The following KHDRBS2 variants were observed in gnomAD, a reference collection of about 807,000 sequenced individuals.
KHDRBS2 encodes the protein KH domain-containing, RNA-binding, signal transduction-associated protein 2.
In KHDRBS2, 26 loss-of-function variants were observed where a neutral mutation model predicts 44.3. That is an observed-to-expected ratio of 0.59 (90% CI 0.43 to 0.81). KHDRBS2 has a LOEUF of 0.81. KHDRBS2 is among the 40% of genes least tolerant of loss of function. The pLI, the probability that KHDRBS2 is intolerant of heterozygous loss-of-function variation, is 0.00. For missense variants in KHDRBS2, 476 were observed against 433.1 expected, an observed-to-expected ratio of 1.10 and a Z score of -0.88; for synonymous variants, 194 against 151.1, an observed-to-expected ratio of 1.28 and a Z score of -2.08.
chr6:61,715,500 C>T (rs926437721), intron 7 of KHDRBS2, among the ~76,000 whole-genome samples: 15 of 151,864 alleles, frequency 9.9e-5, no homozygotes, highest in Non-Finnish European at 4.4e-5. Flanking sequence ...ATCATATTCT[C>T]ATTTCTTTGT....
intron 6 of KHDRBS2, among the ~76,000 whole-genome samples, chr6:61,767,482 T>C (rs1242010415): frequency 1.3e-5 from 2 of 152,044 alleles, no homozygotes; most frequent in African/African-American, 2.4e-5. Context: ...TAAGTAAGGA[T>C]TTACTCCTAA....
At chr6:61,708,648 T>A (rs1173927722) in intron 7 of KHDRBS2, among the ~76,000 whole-genome samples, 3 of 151,718 alleles carry the variant, frequency 2.0e-5, no homozygotes, top group African/African-American at 7.2e-5. Flanking sequence ...AAATGTAACA[T>A]AACTTTTTGT....
At chr6:61,814,242 ATTATG>A (rs1163998980) in intron 6 of KHDRBS2, among the ~76,000 whole-genome samples, 2 of 152,182 alleles carry the variant, frequency 1.3e-5, no homozygotes, top group African/African-American at 2.4e-5. Flanking sequence ...CTATTTTAGT[ATTATG>A]TTATAATTCA....
chr6:61,863,662 T>G (rs1562326778), intron 6 of KHDRBS2, among the ~76,000 whole-genome samples: 1 of 152,206 alleles, frequency 6.6e-6, no homozygotes, highest in East Asian at 1.9e-4. Flanking sequence ...TCTAACTATT[T>G]TAGTTCTTCT....
chr6:61,796,182 A>G lies in KHDRBS2; in HGVS notation c.811-63418T>C, dbSNP rs150877208. Among the ~76,000 whole-genome samples, 893 of 152,218 alleles carry G rather than the reference A, an allele frequency of 5.9e-3. 6 individuals are homozygous for G. The highest frequency in any genetic ancestry group is 0.01 in the Non-Finnish European group (700 of 67,940). On this transcript the variant is annotated intron_variant, in intron 6 of 8. Transcript: ENST00000281156. ...GTTTCACTTATTGATTGAAATCATC[A>G]TGATTTGGCTTCATTATTATTTTTA...
intron 6 of KHDRBS2, among the ~76,000 whole-genome samples, chr6:61,799,392 T>C (rs1204040869): frequency 6.6e-6 from 1 of 151,946 alleles, no homozygotes; most frequent in African/African-American, 2.4e-5. Context: ...TTTTTCTTTT[T>C]TACATAGTTC....
chr6:61,814,756 C>T lies in KHDRBS2; in HGVS notation c.810+79879G>A, dbSNP rs76208788. Among the ~76,000 whole-genome samples, 209 of 152,182 alleles carry T rather than the reference C, an allele frequency of 1.4e-3. 1 individual carries two copies. In the East Asian group the frequency reaches 0.038, roughly 28 times the overall value. ...CACAGTGAAAATACAGTAGTCTCCCCTTATCTGCTGGGGATATGATCCAAG... is the reference window on the plus strand; with the variant it reads ...CACAGTGAAAATACAGTAGTCTCCCTTTATCTGCTGGGGATATGATCCAAG... On this transcript the variant is annotated intron_variant, in intron 6 of 8. Transcript: ENST00000281156.
intron 4 of KHDRBS2, among the ~76,000 whole-genome samples, chr6:61,937,462 T>A (rs1811244012): frequency 6.6e-6 from 1 of 152,078 alleles, no homozygotes; most frequent in African/African-American, 2.4e-5. Context: ...TATTTCCTCA[T>A]GTGTTTTGTA....
the KHDRBS2 span, among the ~76,000 whole-genome samples, chr6:61,579,591 T>G: frequency 2.6e-5 from 4 of 152,292 alleles, no homozygotes; most frequent in South Asian, 2.1e-4. Flanking sequence ...TGACCGAATG[T>G]TATTTGAAAC....
intron 3 of KHDRBS2, among the ~76,000 whole-genome samples, chr6:62,037,687 C>T (rs1785583938): frequency 6.6e-6 from 1 of 151,712 alleles, no homozygotes; most frequent in Non-Finnish European, 1.5e-5. Flanking sequence ...TTTTGTTTGC[C>T]TTTTTTTAAA....
rs567301741 is a variant in KHDRBS2 at position 61,813,153 on chromosome 6, G to A, written c.811-80389C>T. Among the ~76,000 whole-genome samples, 423 of 152,002 alleles carry A rather than the reference G, an allele frequency of 2.8e-3. 1 individual carries two copies. The highest frequency in any genetic ancestry group is 3.8e-3 in the Non-Finnish European group (258 of 67,982). ...AAAATCAAATATAAGAACATATACA[G>A]GAATTAGAATGGAAAAAGTATTCTG... is the stretch of plus-strand genomic sequence containing the variant. On this transcript the variant is annotated intron_variant, in intron 6 of 8. Transcript: ENST00000281156.
chr6:61,727,695 T>C (rs567931301), intron 7 of KHDRBS2, among the ~76,000 whole-genome samples: 7 of 152,208 alleles, frequency 4.6e-5, no homozygotes, highest in Admixed American at 2.0e-4. Context: ...TTAACATCAC[T>C]GATCATTAGA....
At chr6:61,694,574 A>T (rs529780469) in intron 8 of KHDRBS2, among the ~76,000 whole-genome samples, 76 of 152,328 alleles carry the variant, frequency 5.0e-4, no homozygotes, top group African/African-American at 1.8e-3. Context: ...TTGGAACAAT[A>T]GAAATATATT....
At chr6:62,015,438 A>AT in intron 3 of KHDRBS2, among the ~76,000 whole-genome samples, 1 of 152,152 alleles carries the variant, frequency 6.6e-6, no homozygotes, top group African/African-American at 2.4e-5. Context: ...CTGCTGCAGT[A>AT]TTTTCACACC....
chr6:61,726,824 A>G (rs1773651535), intron 7 of KHDRBS2, among the ~76,000 whole-genome samples: 1 of 152,204 alleles, frequency 6.6e-6, no homozygotes. Context: ...AAGAATCAAT[A>G]TCATGAAAAT....
chr6:61,626,285 C>T, the KHDRBS2 span, among the ~76,000 whole-genome samples: 1 of 152,072 alleles, frequency 6.6e-6, no homozygotes, highest in Admixed American at 6.6e-5. Flanking sequence ...TGCATAAAAT[C>T]CTCTTCAGAG....
intron 6 of KHDRBS2, among the ~76,000 whole-genome samples, chr6:61,878,257 A>G (rs1207058203): frequency 6.6e-6 from 1 of 152,004 alleles, no homozygotes; most frequent in African/African-American, 2.4e-5. Context: ...AGAAACATTG[A>G]ACAACCCTCC....
chr6:61,900,895 T>C (rs1468125439), intron 5 of KHDRBS2, among the ~76,000 whole-genome samples: 1 of 152,236 alleles, frequency 6.6e-6, no homozygotes, highest in African/African-American at 2.4e-5. Context: ...AACAGTAAAG[T>C]AGAAAATCTC....
intron 6 of KHDRBS2, among the ~76,000 whole-genome samples, chr6:61,849,666 A>G (rs1795163204): frequency 1.3e-5 from 2 of 151,804 alleles, no homozygotes; most frequent in East Asian, 1.9e-4. Flanking sequence ...AATCTTTCCC[A>G]AAGACCCAGA....
Sources: gnomAD v4.1 joint callset for allele counts (sites outside exome capture counted in the v4.1 genomes callset) on GRCh38, gnomAD v4.1.1 for gene constraint, MANE v1.5 for transcripts, NCBI Gene and HGNC (gene_info 2026-07-23, HGNC 2026-07-21) for gene names.